EYS: variants seen among roughly 807,000 people sequenced by gnomAD.
EYS encodes EGF-like photoreceptor maintenance factor.
In EYS, 250 loss-of-function variants were observed where a neutral mutation model predicts 282.1. The observed-to-expected ratio is 0.89, with a 90% confidence interval of 0.80 to 0.98. EYS has a LOEUF of 0.98. Ranked by LOEUF, EYS falls within the 50% of genes least tolerant of loss-of-function variation. The probability of loss-of-function intolerance (pLI) is 0.00; values close to 1 mark genes in which losing one functional copy is unlikely to be tolerated. For missense variants in EYS, 4,016 were observed against 3,709.0 expected, an observed-to-expected ratio of 1.08 and a Z score of -2.15; for synonymous variants, 1,355 against 1,282.9, an observed-to-expected ratio of 1.06 and a Z score of -1.20.
At chr6:63,779,574 T>C (rs1398866344) in intron 39 of EYS, among the ~76,000 whole-genome samples, 1 of 152,072 alleles carries the variant, frequency 6.6e-6, no homozygotes, top group Non-Finnish European at 1.5e-5. Flanking sequence ...AATCCTGAAA[T>C]GTATTGTAAT....
At chr6:63,809,994 C>A (rs1302980474) in intron 36 of EYS, among the ~76,000 whole-genome samples, 1 of 151,190 alleles carries the variant, frequency 6.6e-6, no homozygotes, top group Non-Finnish European at 1.5e-5. Flanking sequence ...GTAATCCCAG[C>A]ACTTTGGGAG....
intron 2 of EYS, among the ~76,000 whole-genome samples, chr6:65,500,261 G>T (rs185983568): frequency 1.3e-5 from 2 of 152,022 alleles, no homozygotes; most frequent in East Asian, 3.9e-4. Context: ...TAAACAAAGC[G>T]GCTGAGGCAA....
chr6:64,429,540 A>G (rs1774514291), intron 28 of EYS, among the ~76,000 whole-genome samples: 1 of 152,206 alleles, frequency 6.6e-6, no homozygotes. Context: ...CTGAGGAAGG[A>G]GAATCGCTTA....
chr6:64,812,474 C>G (rs1191744279), intron 22 of EYS, among the ~76,000 whole-genome samples: 3 of 151,734 alleles, frequency 2.0e-5, no homozygotes, highest in Non-Finnish European at 4.4e-5. Context: ...ACAGTAGATA[C>G]CAAAATATAT....
chr6:63,722,193 G>A (rs1768425628), intron 42 of EYS, among the ~76,000 whole-genome samples: 2 of 152,060 alleles, frequency 1.3e-5, no homozygotes, highest in South Asian at 4.2e-4. Flanking sequence ...AACCTTACCT[G>A]GAATGTTCTC....
chr6:64,523,419 G>C (rs1229507741), intron 26 of EYS, among the ~76,000 whole-genome samples: 2 of 151,742 alleles, frequency 1.3e-5, no homozygotes, highest in African/African-American at 4.8e-5. Context: ...CCATGTGACT[G>C]TAGGATTTTA....
chr6:65,632,351 C>G (rs914337837), intron 2 of EYS, among the ~76,000 whole-genome samples: 1 of 152,190 alleles, frequency 6.6e-6, no homozygotes, highest in South Asian at 2.1e-4. Context: ...TGTAAATACT[C>G]AAATAAAATT....
At chr6:64,531,034 G>A (rs569176836) in intron 26 of EYS, among the ~76,000 whole-genome samples, 2 of 152,212 alleles carry the variant, frequency 1.3e-5, no homozygotes, top group South Asian at 4.1e-4. Context: ...GTGATTAAGG[G>A]CAATTTCAAA....
At chr6:65,564,104 T>C (rs759920692) in intron 2 of EYS, among the ~76,000 whole-genome samples, 33 of 152,110 alleles carry the variant, frequency 2.2e-4, no homozygotes, top group Non-Finnish European at 4.0e-4. Flanking sequence ...TACAAACCAC[T>C]GCTCAAGGAA....
intron 16 of EYS, among the ~76,000 whole-genome samples, chr6:64,903,675 G>A (rs2150072280): frequency 6.6e-6 from 1 of 152,174 alleles, no homozygotes; most frequent in Middle Eastern, 3.4e-3. Flanking sequence ...AGCACCTACT[G>A]TTCAATGAAA....
chr6:63,904,211 G>A (rs1022260873), intron 35 of EYS, among the ~76,000 whole-genome samples: 3 of 152,148 alleles, frequency 2.0e-5, no homozygotes, highest in Non-Finnish European at 4.4e-5. Flanking sequence ...GAGTAGTAAA[G>A]GATGTGCAGC....
At chr6:64,491,416 CA>C (rs1039775762) in intron 26 of EYS, among the ~76,000 whole-genome samples, 4 of 150,802 alleles carry the variant, frequency 2.7e-5, no homozygotes, top group African/African-American at 9.7e-5. Flanking sequence ...GAGTATCAGG[CA>C]AGTTTCAATT....
chr6:64,450,251 G>C (rs183156793), intron 26 of EYS, among the ~76,000 whole-genome samples: 1 of 152,054 alleles, frequency 6.6e-6, no homozygotes, highest in East Asian at 1.9e-4. Context: ...AAGATCAAAA[G>C]AGACAAAGAA....
chr6:64,855,579 C>G (rs749592092), intron 19 of EYS, among the ~76,000 whole-genome samples: 13 of 152,004 alleles, frequency 8.6e-5, no homozygotes, highest in Admixed American at 2.0e-4. Flanking sequence ...TTATGAATGT[C>G]TAATATTAGT....
chr6:64,988,474 A>G (rs1770942023), intron 14 of EYS, among the ~76,000 whole-genome samples: 1 of 151,534 alleles, frequency 6.6e-6, no homozygotes, highest in South Asian at 2.1e-4. Context: ...AAAAATCTAA[A>G]AAAAGTTAAA....
At chr6:65,243,909 T>C (rs965314210) in intron 12 of EYS, among the ~76,000 whole-genome samples, 4 of 152,262 alleles carry the variant, frequency 2.6e-5, no homozygotes, top group Middle Eastern at 3.4e-3. Context: ...TGTTTCAAAG[T>C]AATTTGTTTT....
At chr6:65,677,871 G>C (rs1768679869) in intron 1 of EYS, among the ~76,000 whole-genome samples, 1 of 152,118 alleles carries the variant, frequency 6.6e-6, no homozygotes, top group Non-Finnish European at 1.5e-5. Flanking sequence ...AAGTTTGAGG[G>C]TGCAGAAATA....
chr6:65,294,790 C>A (rs774499029), intron 12 of EYS, among the ~76,000 whole-genome samples: 3 of 151,804 alleles, frequency 2.0e-5, no homozygotes, highest in Non-Finnish European at 4.4e-5. Context: ...TGATATATAT[C>A]TATTTTCTAA....
At chr6:65,251,731 C>T (rs994449897) in intron 12 of EYS, among the ~76,000 whole-genome samples, 8 of 151,854 alleles carry the variant, frequency 5.3e-5, no homozygotes, top group African/African-American at 1.9e-4. Context: ...ATAGTCTGAA[C>T]GCAACGCTTC....
Sources: allele counts gnomAD v4.1 joint callset (sites outside exome capture counted in the v4.1 genomes callset), GRCh38; gene constraint gnomAD v4.1.1; transcripts MANE v1.5; gene names NCBI Gene and HGNC (gene_info 2026-07-23, HGNC 2026-07-21).